The following ATP8B4 variants were observed in gnomAD, a reference collection of about 807,000 sequenced individuals.
The protein encoded by ATP8B4 is ATPase phospholipid transporting 8B4 (putative).
ATP8B4 carries 133 observed loss-of-function variants against 145.6 expected under a neutral mutation model. The observed-to-expected ratio is 0.91, with a 90% CI of 0.79 to 1.05. The LOEUF is 1.05. Among genes scored for constraint, ATP8B4 ranks in the 50% least tolerant of loss-of-function variants. The pLI is 0.00. For synonymous variants in ATP8B4, 507 were observed against 492.9 expected (o/e 1.03, Z -0.38); for missense variants, 1,458 against 1,425.2 (o/e 1.02, Z -0.37).
At position 49,942,186 on chromosome 15, in the gene ATP8B4, T is replaced by C. The variant is rs1426898415; in HGVS notation, c.1288-8004A>G. ...AAAACCACTTGTACCCCAAATGCTA[T>C]TGAAATAAAACTATATTAAAAATAA... On this transcript the variant is annotated intron_variant, in intron 14 of 27. Coordinates refer to ENST00000284509, the MANE Select transcript of ATP8B4 (RefSeq NM_024837.4). Among the ~76,000 whole-genome samples, 3 of 152,026 alleles carry C rather than the reference T, an allele frequency of 2.0e-5. No individual in the cohort carries two copies. The East Asian group carries it at 5.8e-4, about 29-fold the overall frequency.
Position 49,996,794 on chromosome 15 carries a change from T to C in ATP8B4, c.507-35A>G, listed in dbSNP as rs765479197. On this transcript the variant is annotated intron_variant, in intron 8 of 27. Coordinates refer to ENST00000284509, the MANE Select transcript of ATP8B4 (RefSeq NM_024837.4). ...TATTGACATGACATGAATTTTTATA[T>C]GGAACAGCCCAACAGCATCCTACCA... 13 of 1,550,966 alleles carry C rather than the reference T, an allele frequency of 8.4e-6. No homozygotes were observed. The South Asian group carries it at 9.0e-5, about 11-fold the overall frequency.
chr15:50,111,129 T>C (rs2056919875), intron 1 of ATP8B4, among the ~76,000 whole-genome samples: 2 of 152,212 alleles, frequency 1.3e-5, no homozygotes, highest in South Asian at 4.1e-4. Flanking sequence ...AGGAAGTCTC[T>C]TCTTACAGTG....
chr15:50,088,910 T>C (rs2055403740), intron 2 of ATP8B4, among the ~76,000 whole-genome samples: 1 of 152,226 alleles, frequency 6.6e-6, no homozygotes, highest in Non-Finnish European at 1.5e-5. Context: ...AAAGATCAGA[T>C]GGTTGTAGAT....
At chr15:50,173,679 A>G (rs1386218614) in intron 1 of ATP8B4, among the ~76,000 whole-genome samples, 8 of 152,108 alleles carry the variant, frequency 5.3e-5, no homozygotes, top group Non-Finnish European at 1.2e-4. Context: ...TCTCCGAGAA[A>G]CACCCAAAAA....
intron 20 of ATP8B4, among the ~76,000 whole-genome samples, chr15:49,913,090 C>G (rs1019901168): frequency 6.6e-6 from 1 of 150,512 alleles, no homozygotes; most frequent in African/African-American, 2.5e-5. Context: ...ACGATTGCAC[C>G]ACTGCAGTGA....
chr15:50,147,737 G>T (rs1245413526), intron 1 of ATP8B4, among the ~76,000 whole-genome samples: 1 of 152,016 alleles, frequency 6.6e-6, no homozygotes, highest in Admixed American at 6.6e-5. Flanking sequence ...TGAATTTTTT[G>T]AAAATTGCTG....
chr15:50,115,111 C>T (rs531012124), intron 1 of ATP8B4, among the ~76,000 whole-genome samples: 5 of 152,182 alleles, frequency 3.3e-5, no homozygotes, highest in Admixed American at 1.3e-4. Flanking sequence ...TGGGCAGATG[C>T]CCTCTATCTC....
At chr15:50,068,370 C>T (rs1307840527) in intron 3 of ATP8B4, among the ~76,000 whole-genome samples, 1 of 152,044 alleles carries the variant, frequency 6.6e-6, no homozygotes, top group Non-Finnish European at 1.5e-5. Flanking sequence ...TTTTACCAAC[C>T]ACAAAAAATC....
intron 1 of ATP8B4, among the ~76,000 whole-genome samples, chr15:50,157,251 G>A (rs60925368): frequency 0.66 from 100,469 of 152,018 alleles, 33,515 homozygotes; most frequent in East Asian, 0.94. Context: ...CCTTTATATA[G>A]AGTGGCCTCA....
At chr15:50,124,422 C>A (rs2057294053) in intron 1 of ATP8B4, among the ~76,000 whole-genome samples, 1 of 152,112 alleles carries the variant, frequency 6.6e-6, no homozygotes, top group African/African-American at 2.4e-5. Flanking sequence ...TATTACTCAA[C>A]TAACTCATGA....
intron 7 of ATP8B4, among the ~76,000 whole-genome samples, chr15:50,010,360 C>A (rs1472562246): frequency 1.3e-5 from 2 of 151,904 alleles, no homozygotes; most frequent in Non-Finnish European, 1.5e-5. Context: ...TCATTAATAA[C>A]ATGTTATTAA....
At chr15:49,879,716 T>C (rs2035082588) in intron 23 of ATP8B4, 1 of 357,006 alleles carries the variant, frequency 2.8e-6, no homozygotes, top group Non-Finnish European at 5.1e-6. Flanking sequence ...GACAAAATAA[T>C]ACATGCAGCA....
At position 49,862,903 on chromosome 15, in the gene ATP8B4, T is replaced by C. The variant is rs575806227; in HGVS notation, c.3167-528A>G. Among the ~76,000 whole-genome samples, 13 of 152,292 alleles carry C rather than the reference T, an allele frequency of 8.5e-5. No homozygotes were observed. The South Asian group carries it at 2.7e-3, about 32-fold the overall frequency. On this transcript the variant is annotated intron_variant, in intron 26 of 27. Transcript: ENST00000284509. Reference sequence around the variant, plus strand: ...GAGCCAAGCATTCTCTCACCCAGGCTCAGTCTAATATCACTCACGGAGCAC... The same window carrying C: ...GAGCCAAGCATTCTCTCACCCAGGCCCAGTCTAATATCACTCACGGAGCAC...
chr15:50,075,477 T>C (rs2054114677), intron 2 of ATP8B4, among the ~76,000 whole-genome samples: 1 of 152,118 alleles, frequency 6.6e-6, no homozygotes, highest in Non-Finnish European at 1.5e-5. Context: ...TATGACTGGG[T>C]TTCTACCATT....
At chr15:50,103,437 A>G (rs1042547400) in intron 2 of ATP8B4, among the ~76,000 whole-genome samples, 18 of 152,160 alleles carry the variant, frequency 1.2e-4, no homozygotes, top group African/African-American at 4.3e-4. Flanking sequence ...TAGCCCTGCT[A>G]TACACCAACA....
intron 2 of ATP8B4, among the ~76,000 whole-genome samples, chr15:50,078,586 T>C (rs2153639485): frequency 6.6e-6 from 1 of 150,910 alleles, no homozygotes; most frequent in East Asian, 1.9e-4. Flanking sequence ...AGACAATGGA[T>C]AGGTAAAAAC....
rs1373249101 is a variant in ATP8B4, at chr15:49,858,261, C to G, written c.*1933G>C. ...AGTACCAATAGTGCCAAAACATTTACTGAAAGTTTTCAAATCTTGCAAAAA... is the reference window on the plus strand; with the variant it reads ...AGTACCAATAGTGCCAAAACATTTAGTGAAAGTTTTCAAATCTTGCAAAAA... On this transcript the variant is annotated 3_prime_UTR_variant, in exon 28 of 28. Transcript: ENST00000284509. The G allele has an allele frequency of 1.3e-5, 2 of 152,142 alleles. No homozygotes were observed. Among genetic ancestry groups the G allele is most frequent in the African/African-American group, 4.8e-5 (2 of 41,432 alleles). 9.4% of individuals were successfully genotyped at this position (152,142 alleles called of 1,614,324 possible). A position where few individuals can be genotyped will look rare whatever the true frequency, so the allele number is the denominator to read the frequency against.
intron 1 of ATP8B4, among the ~76,000 whole-genome samples, chr15:50,136,434 G>C (rs777312189): frequency 6.6e-6 from 1 of 152,194 alleles, no homozygotes; most frequent in African/African-American, 2.4e-5. Context: ...TAAAAAGCCA[G>C]TCAGTTCACC....
chr15:50,036,978 A>G (rs1438574285), intron 6 of ATP8B4, among the ~76,000 whole-genome samples: 1 of 152,222 alleles, frequency 6.6e-6, no homozygotes, highest in East Asian at 1.9e-4. Flanking sequence ...TAAAACCACA[A>G]GAAAGTAACA....
Sources: gnomAD v4.1 joint callset for allele counts (sites outside exome capture counted in the v4.1 genomes callset) on GRCh38, gnomAD v4.1.1 for gene constraint, MANE v1.5 for transcripts, NCBI Gene and HGNC (gene_info 2026-07-23, HGNC 2026-07-21) for gene names.